FNBP4: variants seen among roughly 807,000 people sequenced by gnomAD.
The protein encoded by FNBP4 is formin binding protein 4.
Under a neutral mutation model 119.3 loss-of-function variants are expected in FNBP4, and 34 were observed. The observed-to-expected ratio is 0.28, with a 90% confidence interval of 0.22 to 0.38. The LOEUF (loss-of-function observed/expected upper bound fraction) is 0.38, where lower values mean the gene tolerates loss of function less well. FNBP4 is among the 10% of genes least tolerant of loss of function. The pLI is 1.00. For synonymous variants in FNBP4, 462 were observed against 430.6 expected, an observed-to-expected ratio of 1.07 and a Z score of -0.90; for missense variants, 1,112 against 1,228.9, an observed-to-expected ratio of 0.90 and a Z score of 1.42.
Position 47,724,692 on chromosome 11 carries a change from T to G in FNBP4, c.2095A>C (p.Asn699His), listed in dbSNP as rs370087702. ...AATGGAGGTTGAAGCACAGGAACAT[T>G]TGACTGAAGGAGGGTCCAGAATGGA... ...LTPFWTLLQS[N>H]VPVLQPPLPL... The change falls in exon 13 of 17, where the codon AAT (asparagine) becomes CAT (histidine). Residue 699 changes from asparagine (N) to histidine (H), a missense_variant. Around this residue, in one of 2 missense-constraint regions of FNBP4, gnomAD observed 826 missense variants for 988.8 expected, o/e 0.84. Transcript: ENST00000263773. 1.9e-6 allele frequency: 3 copies of G among 1,613,834 alleles called. No individual in the cohort carries two copies. The highest frequency in any genetic ancestry group is 2.5e-6 in the Non-Finnish European group (3 of 1,179,884).
chr11:47,747,324 C>A (rs1599224364), intron 6 of FNBP4, among the ~76,000 whole-genome samples: 1 of 152,184 alleles, frequency 6.6e-6, no homozygotes, highest in Non-Finnish European at 1.5e-5. Context: ...CCTGCCTCAG[C>A]CTCCTGAGCA....
intron 7 of FNBP4, 27 bp from the exon 8 acceptor site, chr11:47,744,190 G>C (rs1415659049): frequency 6.5e-7 from 1 of 1,533,770 alleles, no homozygotes; most frequent in Non-Finnish European, 9.0e-7. Flanking sequence ...AATTAAGTTA[G>C]TGTCATTAAC....
Position 47,767,283 on chromosome 11 carries a change from C to A in FNBP4, c.6G>T (p.Gly2=). 1.3e-6 allele frequency: 2 copies of A among 1,521,302 alleles called. No individual in the cohort carries two copies. 94.2% of individuals were successfully genotyped at this position (1,521,302 alleles called of 1,614,324 possible). A position where few individuals can be genotyped will look rare whatever the true frequency, so the allele number is the denominator to read the frequency against. The part of the protein sequence containing the change: M[G]KKSRAVPGRR... ...GGCCGGGTACCGCCCGGGACTTCTT[C>A]CCCATCGCGAGCCCAAGCGCGAGCA... The change falls in exon 1 of 17, where the codon GGG becomes GGT. Residue 2 remains glycine (G), a synonymous_variant. Transcript: ENST00000263773.
At chr11:47,764,948 G>A (rs1182170797) in intron 2 of FNBP4, among the ~76,000 whole-genome samples, 1 of 152,136 alleles carries the variant, frequency 6.6e-6, no homozygotes, top group Non-Finnish European at 1.5e-5. Context: ...AATCAAGCCA[G>A]AGTGTTAGAA....
chr11:47,752,620 G>C (rs2097606434), intron 4 of FNBP4: 1 of 231,378 alleles, frequency 4.3e-6, no homozygotes, highest in South Asian at 7.7e-5. Context: ...ACCAGCCTTG[G>C]GCAACACAGT....
intron 6 of FNBP4, among the ~76,000 whole-genome samples, chr11:47,748,939 G>A (rs954705948): frequency 1.3e-5 from 2 of 151,954 alleles, no homozygotes; most frequent in Admixed American, 6.6e-5. Flanking sequence ...GAGCCACTGC[G>A]CCAAGCTCAA....
intron 10 of FNBP4, 45 bp downstream of exon 10, chr11:47,733,980 A>G: frequency 9.9e-7 from 1 of 1,007,480 alleles, no homozygotes; most frequent in Non-Finnish European, 1.4e-6. Flanking sequence ...CATTTCATTC[A>G]AACACTTAAC....
chr11:47,742,100 TATACAC>T (rs923808133), intron 8 of FNBP4, among the ~76,000 whole-genome samples: 1 of 152,126 alleles, frequency 6.6e-6, no homozygotes, highest in Non-Finnish European at 1.5e-5. Context: ...AATTTACATA[TATACAC>T]ATAAACACAC....
chr11:47,723,981 A>T, intron 14 of FNBP4, 47 bp downstream of exon 14: 1 of 1,568,644 alleles, frequency 6.4e-7, no homozygotes, highest in Non-Finnish European at 8.6e-7. Context: ...TGCTGAAAAG[A>T]AAAGAAACAA....
chr11:47,737,536 C>T (rs1417589842), intron 8 of FNBP4, among the ~76,000 whole-genome samples: 3 of 151,518 alleles, frequency 2.0e-5, no homozygotes, highest in African/African-American at 7.3e-5. Context: ...ACCTCCTAGG[C>T]TCAACGGATC....
chr11:47,744,641 G>A (rs1487804555), intron 7 of FNBP4, among the ~76,000 whole-genome samples: 1 of 152,100 alleles, frequency 6.6e-6, no homozygotes, highest in African/African-American at 2.4e-5. Context: ...TGGGATACAT[G>A]AGATGTTTTG....
At chr11:47,725,762 T>A in intron 12 of FNBP4, 1 of 981,082 alleles carries the variant, frequency 1.0e-6, no homozygotes, top group Non-Finnish European at 1.2e-6. Context: ...GCCCTCTTTA[T>A]CGTCAATAGG....
At chr11:47,748,132 GGGAGGCTGAGGCA>G (rs2097594485) in intron 6 of FNBP4, among the ~76,000 whole-genome samples, 1 of 151,932 alleles carries the variant, frequency 6.6e-6, no homozygotes, top group Non-Finnish European at 1.5e-5. Context: ...CCAGCTACTC[GGGAGGCTGAGGCA>G]GGAGAATCGC....
chr11:47,752,724 G>C, intron 4 of FNBP4, 192 bp downstream of exon 4: 1 of 501,058 alleles, frequency 2.0e-6, no homozygotes, highest in Non-Finnish European at 3.6e-6. Context: ...TGAGGGAGGA[G>C]AACTGTCTGA....
intron 1 of FNBP4, among the ~76,000 whole-genome samples, chr11:47,765,851 CTTTTTTT>C (rs1167976570): frequency 3.7e-5 from 3 of 82,170 alleles, no homozygotes; most frequent in African/African-American, 1.3e-4. Context: ...GAGCTGGAAT[CTTTTTTT>C]TTTTTTTTTT....
chr11:47,732,667 G>A lies in FNBP4; in HGVS notation c.1690C>T (p.Arg564Ter), dbSNP rs1192739560. The change falls in exon 11 of 17, where the codon CGA becomes TGA. Residue 564 changes from arginine to a stop codon, truncating the protein, a stop_gained. Transcript: ENST00000263773. LOFTEE classifies it high-confidence loss of function. This position sits in a 1 kb window ranked among gnomAD's most constrained non-coding sequence, Gnocchi z 4.2. Reference protein sequence around the residue: ...FHVLLLQTETRIADWREGALN... With the variant: ...FHVLLLQTET ...GCCCCTTCCCGCCAGTCTGCAATTC[G>A]AGTCTAGAATAAACAGACAAATAAG... 2 of 1,614,038 alleles carry A rather than the reference G, an allele frequency of 1.2e-6. No individual in the cohort carries two copies. The highest frequency in any genetic ancestry group is 1.7e-6 in the Non-Finnish European group (2 of 1,179,936).
At chr11:47,741,741 G>A (rs561159075) in intron 8 of FNBP4, among the ~76,000 whole-genome samples, 4 of 152,058 alleles carry the variant, frequency 2.6e-5, no homozygotes, top group African/African-American at 9.7e-5. Flanking sequence ...GCTTGAACTC[G>A]GAGGGTGGAG....
chr11:47,761,874 T>C (rs1392846769), intron 2 of FNBP4, among the ~76,000 whole-genome samples: 1 of 152,108 alleles, frequency 6.6e-6, no homozygotes, highest in Non-Finnish European at 1.5e-5. Flanking sequence ...GTTTCGCTCT[T>C]GTTGCCCAGG....
chr11:47,736,538 T>A, intron 9 of FNBP4, 78 bp downstream of exon 9: 1 of 1,220,504 alleles, frequency 8.2e-7, no homozygotes, highest in Non-Finnish European at 1.1e-6. Context: ...CCAGCCTGGG[T>A]GACAGAGCAA....
Sources: allele counts gnomAD v4.1 joint callset (sites outside exome capture counted in the v4.1 genomes callset), GRCh38; gene constraint gnomAD v4.1.1; regional missense constraint gnomAD v4.1.1; non-coding constraint Gnocchi (gnomAD v3.1); transcripts MANE v1.5; gene names NCBI Gene and HGNC (gene_info 2026-07-23, HGNC 2026-07-21).